The following HDAC9 variants were observed in gnomAD, a reference collection of about 807,000 sequenced individuals.
HDAC9 encodes the protein MEF-2 interacting transcription repressor (MITR) protein.
In HDAC9, 41 loss-of-function variants were observed where a neutral mutation model predicts 139.4. That is an observed-to-expected ratio of 0.29 (90% confidence interval 0.23 to 0.38). The LOEUF (loss-of-function observed/expected upper bound fraction) is 0.38. Among genes scored for constraint, HDAC9 ranks in the 10% least tolerant of loss-of-function variants. HDAC9 has a pLI of 1.00. For synonymous variants in HDAC9, 517 were observed against 476.2 expected (o/e 1.09, Z -1.12); for missense variants, 1,147 against 1,297.0 (o/e 0.88, Z 1.78).
intron 1 of HDAC9, among the ~76,000 whole-genome samples, chr7:18,449,766 TTTTG>T (rs1010038010): frequency 3.3e-5 from 5 of 152,300 alleles, no homozygotes; most frequent in African/African-American, 1.2e-4. Flanking sequence ...TTTTTAAATG[TTTTG>T]TTTAATTTTG....
intron 6 of HDAC9, among the ~76,000 whole-genome samples, chr7:18,608,914 T>C (rs1006277143): frequency 3.3e-5 from 5 of 152,176 alleles, no homozygotes; most frequent in African/African-American, 1.2e-4. Context: ...GGAACTACTA[T>C]TTCATATTTT....
At chr7:18,797,824 A>G (rs1792937215) in intron 17 of HDAC9, among the ~76,000 whole-genome samples, 1 of 151,742 alleles carries the variant, frequency 6.6e-6, no homozygotes, top group Admixed American at 6.6e-5. Context: ...GTAAGACTCC[A>G]TCTCAGAAAA....
intron 1 of HDAC9, among the ~76,000 whole-genome samples, chr7:18,389,971 C>T (rs926750282): frequency 5.9e-5 from 9 of 151,324 alleles, no homozygotes; most frequent in African/African-American, 1.9e-4. Flanking sequence ...GTTCTCCATA[C>T]GCATCAATTA....
intron 1 of HDAC9, among the ~76,000 whole-genome samples, chr7:18,294,308 A>G (rs1322399201): frequency 6.6e-6 from 1 of 152,124 alleles, no homozygotes; most frequent in Admixed American, 6.6e-5. Context: ...GGTTTTGGGT[A>G]TTTAACTAAT....
chr7:18,089,972 GC>G (rs1782038506), intron 1 of HDAC9, among the ~76,000 whole-genome samples: 1 of 151,920 alleles, frequency 6.6e-6, no homozygotes, highest in African/African-American at 2.4e-5. Flanking sequence ...GTTGGTGGGG[GC>G]TCTTACTGCT....
chr7:18,454,133 G>A (rs1563004327), intron 1 of HDAC9, among the ~76,000 whole-genome samples: 1 of 151,970 alleles, frequency 6.6e-6, no homozygotes, highest in Non-Finnish European at 1.5e-5. Flanking sequence ...CAGCTTAGAT[G>A]TAACAAAAAA....
intron 21 of HDAC9, among the ~76,000 whole-genome samples, chr7:18,847,078 C>A (rs920341427): frequency 2.0e-5 from 3 of 152,098 alleles, no homozygotes; most frequent in African/African-American, 7.2e-5. Flanking sequence ...TCCCTGGTAC[C>A]CTTAATTACT....
At chr7:18,104,547 G>A (rs761012290) in intron 1 of HDAC9, among the ~76,000 whole-genome samples, 5 of 152,018 alleles carry the variant, frequency 3.3e-5, no homozygotes, top group Non-Finnish European at 5.9e-5. Context: ...TACTTTGCCC[G>A]CAGACACCAA....
chr7:18,376,092 A>G (rs1784976042), intron 1 of HDAC9, among the ~76,000 whole-genome samples: 2 of 152,156 alleles, frequency 1.3e-5, no homozygotes, highest in Admixed American at 1.3e-4. Context: ...CTTCTGAGCC[A>G]GAGGGCAGTT....
intron 1 of HDAC9, among the ~76,000 whole-genome samples, chr7:18,427,194 C>G (rs928452317): frequency 6.6e-6 from 1 of 152,104 alleles, no homozygotes; most frequent in Non-Finnish European, 1.5e-5. Flanking sequence ...ATTGAAAGCT[C>G]TGTTCTCTCT....
intron 2 of HDAC9, among the ~76,000 whole-genome samples, chr7:18,500,290 A>C (rs753426621): frequency 3.8e-4 from 58 of 152,172 alleles, no homozygotes; most frequent in Non-Finnish European, 8.2e-4. Context: ...GCAATTTTAA[A>C]ATGTGCCTCA....
intron 1 of HDAC9, among the ~76,000 whole-genome samples, chr7:18,426,502 G>A (rs891118980): frequency 6.6e-6 from 1 of 152,078 alleles, no homozygotes; most frequent in African/African-American, 2.4e-5. Flanking sequence ...TACATTGAGG[G>A]CATTGGGTTA....
intron 1 of HDAC9, among the ~76,000 whole-genome samples, chr7:18,399,990 G>A (rs1014525026): frequency 6.6e-6 from 1 of 152,174 alleles, no homozygotes; most frequent in Non-Finnish European, 1.5e-5. Flanking sequence ...AGGGTACCTA[G>A]GGCCTTCTTA....
intron 24 of HDAC9, among the ~76,000 whole-genome samples, chr7:18,963,044 C>T (rs975786486): frequency 5.2e-5 from 6 of 116,008 alleles, no homozygotes; most frequent in Non-Finnish European, 8.1e-5. Flanking sequence ...ATTGCCTCTT[C>T]CCAAGTATAG....
At chr7:18,770,794 AG>A (rs1238938569) in intron 16 of HDAC9, among the ~76,000 whole-genome samples, 1 of 152,194 alleles carries the variant, frequency 6.6e-6, no homozygotes, top group African/African-American at 2.4e-5. Flanking sequence ...AAAAGTATAA[AG>A]GGGCTTATGG....
chr7:18,401,655 A>G (rs1252980140), intron 1 of HDAC9, among the ~76,000 whole-genome samples: 2 of 152,228 alleles, frequency 1.3e-5, no homozygotes, highest in Non-Finnish European at 1.5e-5. Flanking sequence ...CCTCAGTTAC[A>G]TCATGTATAG....
In HDAC9 at chr7:18,822,290, A is replaced by G. The variant is rs1395564295; in HGVS notation, c.2323-6871A>G. 2.6e-5 allele frequency among the ~76,000 whole-genome samples: 4 copies of G among 152,142 alleles called. No individual in the cohort carries two copies. The East Asian group carries it at 7.7e-4, about 29-fold the overall frequency. On this transcript the variant is annotated intron_variant, in intron 17 of 25. Transcript: ENST00000686413. Reference sequence around the variant, plus strand: ...GCCCCCAGTCATCTCATTAACATACAAAAAGACACCTTTCACTTCAGAGAG... The same window carrying G: ...GCCCCCAGTCATCTCATTAACATACGAAAAGACACCTTTCACTTCAGAGAG...
At chr7:18,737,439 G>A (rs1490132300) in intron 13 of HDAC9, among the ~76,000 whole-genome samples, 1 of 152,110 alleles carries the variant, frequency 6.6e-6, no homozygotes, top group Non-Finnish European at 1.5e-5. Context: ...TGGTGTCTTT[G>A]TTCTCACTGG....
intron 3 of HDAC9, among the ~76,000 whole-genome samples, chr7:18,585,793 C>T (rs547607914): frequency 1.4e-4 from 21 of 151,968 alleles, no homozygotes; most frequent in African/African-American, 5.1e-4. Context: ...AGATTCTCTC[C>T]TACGTGATTT....
Sources: gnomAD v4.1 joint callset for allele counts (sites outside exome capture counted in the v4.1 genomes callset) on GRCh38, gnomAD v4.1.1 for gene constraint, MANE v1.5 for transcripts, NCBI Gene and HGNC (gene_info 2026-07-23, HGNC 2026-07-21) for gene names.